RANBP2: variants seen among roughly 807,000 people sequenced by gnomAD.
The protein encoded by RANBP2 is E3 SUMO-protein ligase RanBP2.
In RANBP2, 57 loss-of-function variants were observed where a neutral mutation model predicts 303.6. The observed-to-expected ratio is 0.19, with a 90% CI of 0.15 to 0.23. The LOEUF is 0.23. Ranked by LOEUF, RANBP2 falls within the 10% of genes least tolerant of loss-of-function variation. The probability of loss-of-function intolerance (pLI) is 1.00; values close to 1 mark genes in which losing one functional copy is unlikely to be tolerated. For missense variants in RANBP2, 3,138 were observed against 3,780.8 expected (o/e 0.83, Z 4.46); for synonymous variants, 1,167 against 1,301.5 (o/e 0.90, Z 2.23).
chr2:109,380,217 C>T, the RANBP2 span, among the ~76,000 whole-genome samples: 1 of 152,160 alleles, frequency 6.6e-6, no homozygotes, highest in Non-Finnish European at 1.5e-5. Context: ...CCTGATTTCT[C>T]TCTTCTTAAG....
the RANBP2 span, chr2:109,565,660 A>G: frequency 9.8e-7 from 1 of 1,016,902 alleles, no homozygotes; most frequent in Admixed American, 1.8e-5. Flanking sequence ...TCCTCTGACA[A>G]CCAATCACAT....
chr2:108,800,052 T>C, the RANBP2 span, among the ~76,000 whole-genome samples: 1 of 152,210 alleles, frequency 6.6e-6, no homozygotes, highest in African/African-American at 2.4e-5. Context: ...TTAAAAACTA[T>C]GTATCACCTG....
the RANBP2 span, among the ~76,000 whole-genome samples, chr2:108,877,653 C>A: frequency 0.013 from 2,000 of 152,248 alleles, 62 homozygotes; most frequent in South Asian, 0.082. Flanking sequence ...CCTGGCACTT[C>A]TGCATGGCAG....
chr2:109,089,641 A>T, the RANBP2 span, among the ~76,000 whole-genome samples: 1 of 152,118 alleles, frequency 6.6e-6, no homozygotes, highest in African/African-American at 2.4e-5. Context: ...TGGTGGGGAC[A>T]TGTGTTGGAA....
the RANBP2 span, among the ~76,000 whole-genome samples, chr2:109,764,508 A>C: frequency 6.7e-6 from 1 of 149,650 alleles, no homozygotes; most frequent in East Asian, 2.1e-4. Context: ...TCTGTGGGAG[A>C]TGCAAGGATG....
At chr2:109,554,654 C>G in the RANBP2 span, among the ~76,000 whole-genome samples, 1 of 152,140 alleles carries the variant, frequency 6.6e-6, no homozygotes, top group Non-Finnish European at 1.5e-5. Flanking sequence ...TGGCCATCGC[C>G]GGGAATCAAT....
chr2:108,811,238 T>TCG, the RANBP2 span, among the ~76,000 whole-genome samples: 1 of 49,176 alleles, frequency 2.0e-5, no homozygotes, highest in Non-Finnish European at 4.3e-5. Flanking sequence ...TTTCTTTCTT[T>TCG]CTCTCTCTCT....
chr2:109,418,572 C>G, the RANBP2 span, among the ~76,000 whole-genome samples: 1 of 151,936 alleles, frequency 6.6e-6, no homozygotes, highest in Admixed American at 6.6e-5. Flanking sequence ...CCCGGTCCTC[C>G]TTCTCTGTGT....
At chr2:109,286,018 G>A in the RANBP2 span, among the ~76,000 whole-genome samples, 1 of 152,188 alleles carries the variant, frequency 6.6e-6, no homozygotes, top group Non-Finnish European at 1.5e-5. Context: ...AGAGGCTGGT[G>A]GAAGCCTGAT....
the RANBP2 span, chr2:109,398,827 G>T: frequency 6.2e-7 from 1 of 1,613,904 alleles, no homozygotes; most frequent in East Asian, 2.2e-5. Flanking sequence ...CTCCCAGGCT[G>T]CCAGCCACAG....
the RANBP2 span, among the ~76,000 whole-genome samples, chr2:109,190,854 A>G: frequency 2.6e-5 from 4 of 151,880 alleles, no homozygotes; most frequent in African/African-American, 7.3e-5. Flanking sequence ...CTGGTTAAGC[A>G]CTTACTGTAT....
chr2:109,130,370 C>T, the RANBP2 span, among the ~76,000 whole-genome samples: 1 of 152,234 alleles, frequency 6.6e-6, no homozygotes, highest in African/African-American at 2.4e-5. Flanking sequence ...CCCCCGATTC[C>T]TTGGCCGGAC....
chr2:109,005,949 T>C, the RANBP2 span, among the ~76,000 whole-genome samples: 29 of 152,178 alleles, frequency 1.9e-4, no homozygotes, highest in East Asian at 5.6e-3. Flanking sequence ...TGCCCATGTG[T>C]TCAGCTGAAA....
chr2:109,360,775 T>C, the RANBP2 span, among the ~76,000 whole-genome samples: 1 of 152,236 alleles, frequency 6.6e-6, no homozygotes, highest in Non-Finnish European at 1.5e-5. Flanking sequence ...AAAGGCAGTT[T>C]TATTTCTTCC....
At chr2:109,794,399 G>A in the RANBP2 span, 1 of 29,294 alleles carries the variant, frequency 3.4e-5, no homozygotes, top group Non-Finnish European at 3.9e-5. Flanking sequence ...CTTTCCTCTT[G>A]GAAGTGGCGA....
chr2:108,749,590 G>A (rs1295890611), intron 9 of RANBP2, among the ~76,000 whole-genome samples: 2 of 151,782 alleles, frequency 1.3e-5, no homozygotes, highest in Non-Finnish European at 2.9e-5. Flanking sequence ...GAGCCACTGC[G>A]ACCAGCCTTG....
chr2:109,249,523 C>CTTTCTTTCTTTCTT, the RANBP2 span, among the ~76,000 whole-genome samples: 4 of 107,294 alleles, frequency 3.7e-5, no homozygotes, highest in African/African-American at 7.2e-5. Context: ...CTTTCTTTTT[C>CTTTCTTTCTTTCTT]TTTCTTTCTT....
rs1676939722 is a variant in RANBP2, at chr2:108,764,058, G to A, written c.3519G>A (p.Glu1173=). The A allele has an allele frequency of 6.2e-7, 1 of 1,614,048 alleles. No homozygotes were observed. Among genetic ancestry groups the A allele is most frequent in the Non-Finnish European group, 8.5e-7 (1 of 1,179,978 alleles). ...ATGATGATGACGGTCCTCACTTTGA[G>A]CCTGTAGTACCTCTTCCTGATAAGA... The part of the protein sequence containing the change: ...GDDDDDGPHF[E]PVVPLPDKIE... The change falls in exon 20 of 29, where the codon GAG becomes GAA. Residue 1173 remains glutamate, a synonymous_variant. Coordinates refer to ENST00000283195, the MANE Select transcript of RANBP2 (RefSeq NM_006267.5).
the RANBP2 span, among the ~76,000 whole-genome samples, chr2:109,635,007 G>A: frequency 6.6e-6 from 1 of 151,904 alleles, no homozygotes; most frequent in Non-Finnish European, 1.5e-5. Flanking sequence ...CATTCATGGA[G>A]AAACTTGAAA....
Sources: gnomAD v4.1 joint callset for allele counts (sites outside exome capture counted in the v4.1 genomes callset) on GRCh38, gnomAD v4.1.1 for gene constraint, MANE v1.5 for transcripts, NCBI Gene and HGNC (gene_info 2026-07-23, HGNC 2026-07-21) for gene names.